Variants in RFTN1 observed in about 807,000 individuals in gnomAD.
RFTN1 encodes raftlin, lipid raft linker 1, also known as raftlin.
RFTN1 carries 26 observed loss-of-function variants against 46.5 expected under a neutral mutation model. That is an observed-to-expected ratio of 0.56 (90% CI 0.41 to 0.78). The LOEUF is 0.78. RFTN1 is among the 30% of genes least tolerant of loss of function. RFTN1 has a pLI of 0.00. For missense variants in RFTN1, 693 were observed against 718.7 expected (o/e 0.96, Z 0.41); for synonymous variants, 261 against 284.2 (o/e 0.92, Z 0.82).
In RFTN1 at chr3:16,500,845, C is replaced by T. The variant is rs1430831920; in HGVS notation, c.-8-6968G>A. On this transcript the variant is annotated intron_variant, in intron 1 of 9. Coordinates refer to ENST00000334133, the MANE Select transcript of RFTN1 (RefSeq NM_015150.2). This position sits in a 1 kb window ranked among gnomAD's most constrained non-coding sequence, Gnocchi z 5.9. ...TTGAGTCAGGCACTTGGTTAGGAAA[C>T]ACTAAAACTGGGAAGGCCAGGCCCT... Among the ~76,000 whole-genome samples, 1 of 152,172 alleles carries T rather than the reference C, an allele frequency of 6.6e-6. No individual in the cohort carries two copies. Among genetic ancestry groups the T allele is most frequent in the Non-Finnish European group, 1.5e-5 (1 of 68,030 alleles).
chr3:16,432,047 T>C (rs113503251), intron 3 of RFTN1, among the ~76,000 whole-genome samples: 14 of 152,312 alleles, frequency 9.2e-5, no homozygotes, highest in African/African-American at 3.4e-4. Context: ...ACTTATTTCA[T>C]AGCCATATGA....
chr3:16,358,640 C>G (rs1352491131), intron 6 of RFTN1, among the ~76,000 whole-genome samples: 1 of 152,034 alleles, frequency 6.6e-6, no homozygotes, highest in Non-Finnish European at 1.5e-5. Context: ...GGGTGCTGCT[C>G]TAGTCAATGT....
chr3:16,376,585 T>G lies in RFTN1; in HGVS notation c.826+1133A>C, dbSNP rs1359826182. 5.3e-5 allele frequency among the ~76,000 whole-genome samples: 8 copies of G among 152,314 alleles called. No homozygotes were observed. The East Asian group carries it at 1.5e-3, about 29-fold the overall frequency. ...GGGCTTAAATGCATGCTCAGCTACT[T>G]CATGAGGGCAGCAGGCATGTGCCTC... On this transcript the variant is annotated intron_variant, in intron 5 of 9. Transcript: ENST00000334133. The surrounding 1 kb of genome is among the most constrained non-coding windows in gnomAD (Gnocchi z 4.7).
Position 16,385,690 on chromosome 3 carries a change from T to C in RFTN1, c.442-7588A>G, listed in dbSNP as rs2074148060. 6.6e-6 allele frequency among the ~76,000 whole-genome samples: 1 copy of C among 152,172 alleles called. No individual in the cohort carries two copies. Among genetic ancestry groups the C allele is most frequent in the African/African-American group, 2.4e-5 (1 of 41,422 alleles). On this transcript the variant is annotated intron_variant, in intron 4 of 9. Transcript: ENST00000334133. This position sits in a 1 kb window ranked among gnomAD's most constrained non-coding sequence, Gnocchi z 5.0. ...CATTGCACAGAGTAGTTTGTCATAG[T>C]AGATGCATGCCCTGACCAGGAGGGC...
rs184253855 is a variant in RFTN1 at position 16,382,419 on chromosome 3, A to G, written c.442-4317T>C. Among the ~76,000 whole-genome samples the G allele has an allele frequency of 2.4e-4, 37 of 152,252 alleles. No homozygotes were observed. The highest frequency in any genetic ancestry group is 1.9e-3 in the South Asian group (9 of 4,824). On this transcript the variant is annotated intron_variant, in intron 4 of 9. Coordinates refer to ENST00000334133, the MANE Select transcript of RFTN1 (RefSeq NM_015150.2). The surrounding 1 kb of genome is among the most constrained non-coding windows in gnomAD (Gnocchi z 4.7). ...AATCCTGCTTCTCATTCTTGCATTT[A>G]TAACCTTTACTGAGCCAGTCTCACA...
At position 16,376,832 on chromosome 3, in the gene RFTN1, C is replaced by A. The variant is rs1349765497; in HGVS notation, c.826+886G>T. On this transcript the variant is annotated intron_variant, in intron 5 of 9. Transcript: ENST00000334133. The surrounding 1 kb of genome is among the most constrained non-coding windows in gnomAD (Gnocchi z 4.7). Reference sequence around the variant, plus strand: ...AAAGAAACTGTTTCTCCTTGTTTTCCCTTCTGGAAGCACCACCTGTTCATT... The same window carrying A: ...AAAGAAACTGTTTCTCCTTGTTTTCACTTCTGGAAGCACCACCTGTTCATT... Among the ~76,000 whole-genome samples the A allele has an allele frequency of 1.3e-5, 2 of 152,038 alleles. No individual in the cohort carries two copies. The highest frequency in any genetic ancestry group is 4.8e-5 in the African/African-American group (2 of 41,338).
Position 16,381,693 on chromosome 3 carries a change from T to C in RFTN1, c.442-3591A>G, listed in dbSNP as rs905316115. Among the ~76,000 whole-genome samples the C allele has an allele frequency of 6.6e-6, 1 of 152,116 alleles. No individual in the cohort carries two copies. The highest frequency in any genetic ancestry group is 2.4e-5 in the African/African-American group (1 of 41,408). ...TCCATGTAAAGGCAAGGAAGGATCA[T>C]GATGGGCAAAAGCGTGACAGTATGC... is the stretch of plus-strand genomic sequence containing the variant. On this transcript the variant is annotated intron_variant, in intron 4 of 9. Coordinates refer to ENST00000334133, the MANE Select transcript of RFTN1 (RefSeq NM_015150.2). The surrounding 1 kb of genome is among the most constrained non-coding windows in gnomAD (Gnocchi z 4.2).
chr3:16,419,058 A>G (rs915746704), intron 3 of RFTN1, among the ~76,000 whole-genome samples: 2 of 152,268 alleles, frequency 1.3e-5, no homozygotes, highest in Non-Finnish European at 1.5e-5. Flanking sequence ...AGGACATTCT[A>G]GGCCTGAGAA....
Position 16,316,856 on chromosome 3 carries a change from C to G in RFTN1, c.1709G>C (p.Arg570Thr). The G allele has an allele frequency of 6.2e-7, 1 of 1,614,174 alleles. No individual in the cohort carries two copies. The highest frequency in any genetic ancestry group is 8.5e-7 in the Non-Finnish European group (1 of 1,180,030). ...GTTTTCTTCAACCGTACCAAGCTCT[C>G]TGACTTCCTCAGCATCCCCGTCCCT... ...DARDGDAEEV[R>T]ELGTVEEN Residue 570 changes from arginine to threonine, a missense_variant, in exon 10 of 10, where the codon AGA becomes ACA. Physicochemically the swap from Arg to Thr is moderately conservative, Grantham distance 71. Transcript: ENST00000334133. This position sits in a 1 kb window ranked among gnomAD's most constrained non-coding sequence, Gnocchi z 4.5.
chr3:16,398,109 T>C (rs1278965947), intron 4 of RFTN1, among the ~76,000 whole-genome samples: 1 of 151,366 alleles, frequency 6.6e-6, no homozygotes, highest in Non-Finnish European at 1.5e-5. Flanking sequence ...CAGCTGGGCG[T>C]GGTGGCGGGC....
intron 2 of RFTN1, among the ~76,000 whole-genome samples, chr3:16,488,716 C>T (rs1424199692): frequency 1.3e-5 from 2 of 152,202 alleles, no homozygotes; most frequent in African/African-American, 2.4e-5. Flanking sequence ...ATTCTATATT[C>T]GAATTCTTCC....
Position 16,473,037 on chromosome 3 carries a change from C to A in RFTN1, c.145+20688G>T, listed in dbSNP as rs1005480820. 3.9e-5 allele frequency among the ~76,000 whole-genome samples: 6 copies of A among 152,196 alleles called. No individual in the cohort carries two copies. The highest frequency in any genetic ancestry group is 8.8e-5 in the Non-Finnish European group (6 of 68,044). ...TCCCTTCTAAATGATACTAGGAAAT[C>A]TGTTGGCTATAAATGAACTCATCGA... On this transcript the variant is annotated intron_variant, in intron 2 of 9. Coordinates refer to ENST00000334133, the MANE Select transcript of RFTN1 (RefSeq NM_015150.2). This position sits in a 1 kb window ranked among gnomAD's most constrained non-coding sequence, Gnocchi z 5.3.
chr3:16,364,393 T>C (rs1034348964), intron 6 of RFTN1, among the ~76,000 whole-genome samples: 2 of 152,200 alleles, frequency 1.3e-5, no homozygotes, highest in African/African-American at 2.4e-5. Flanking sequence ...GAAATGTGAT[T>C]TGTTTCATCC....
At chr3:16,373,841 G>A (rs1325336221) in intron 5 of RFTN1, among the ~76,000 whole-genome samples, 1 of 152,194 alleles carries the variant, frequency 6.6e-6, no homozygotes, top group Non-Finnish European at 1.5e-5. Context: ...GGTTTGCATT[G>A]GGAAGGGAGG....
chr3:16,398,702 T>C (rs2074533044), intron 4 of RFTN1, among the ~76,000 whole-genome samples: 1 of 152,108 alleles, frequency 6.6e-6, no homozygotes, highest in South Asian at 2.1e-4. Flanking sequence ...CAAAGTCATG[T>C]CAGCCTTGAT....
intron 3 of RFTN1, among the ~76,000 whole-genome samples, chr3:16,420,776 C>A (rs935767923): frequency 2.0e-5 from 3 of 152,210 alleles, no homozygotes; most frequent in African/African-American, 4.8e-5. Context: ...CTATACATGG[C>A]TAATGGCTGT....
chr3:16,397,002 G>A (rs2074483651), intron 4 of RFTN1, among the ~76,000 whole-genome samples: 1 of 150,534 alleles, frequency 6.6e-6, no homozygotes, highest in Non-Finnish European at 1.5e-5. Context: ...GGCAGAGGTT[G>A]CAGTGAACTG....
At position 16,346,996 on chromosome 3, in the gene RFTN1, T is replaced by C. The variant is rs774895613; in HGVS notation, c.1146+10936A>G. On this transcript the variant is annotated intron_variant, in intron 7 of 9. Coordinates refer to ENST00000334133, the MANE Select transcript of RFTN1 (RefSeq NM_015150.2). This position sits in a 1 kb window ranked among gnomAD's most constrained non-coding sequence, Gnocchi z 4.4. ...CCCCTACGGCTTAAGCCACTTTTAGTTGGATTTCCTGCTATGAACGGTGGA... is the reference window on the plus strand; with the variant it reads ...CCCCTACGGCTTAAGCCACTTTTAGCTGGATTTCCTGCTATGAACGGTGGA... Among the ~76,000 whole-genome samples the C allele has an allele frequency of 6.6e-6, 1 of 152,230 alleles. No individual in the cohort carries two copies. Among genetic ancestry groups the C allele is most frequent in the Non-Finnish European group, 1.5e-5 (1 of 68,030 alleles).
At chr3:16,491,514 A>T (rs2076537926) in intron 2 of RFTN1, among the ~76,000 whole-genome samples, 1 of 152,204 alleles carries the variant, frequency 6.6e-6, no homozygotes, top group South Asian at 2.1e-4. Context: ...TTTATTTCAT[A>T]AGCAGAAAAC....
Sources: allele counts gnomAD v4.1 joint callset (sites outside exome capture counted in the v4.1 genomes callset), GRCh38; gene constraint gnomAD v4.1.1; non-coding constraint Gnocchi (gnomAD v3.1); transcripts MANE v1.5; gene names NCBI Gene and HGNC (gene_info 2026-07-23, HGNC 2026-07-21).